The following RNLS variants were observed in gnomAD, a reference collection of about 807,000 sequenced individuals.
RNLS encodes the protein renalase.
RNLS carries 39 observed loss-of-function variants against 39.8 expected under a neutral mutation model. The ratio of observed to expected loss-of-function variants is 0.98; its 90% CI spans 0.76 to 1.28. RNLS has a LOEUF of 1.28. RNLS is among the 50% of genes most tolerant of loss of function. RNLS has a pLI of 0.00. For synonymous variants in RNLS, 147 were observed against 150.7 expected (o/e 0.98, Z 0.18); for missense variants, 410 against 413.3 (o/e 0.99, Z 0.07).
rs551218026 is a variant in RNLS, at chr10:88,443,373, C to T, written c.527-80648G>A. ...GCCAAATAGGAACAGCTCCAGTCTA[C>T]AGCTCCCAGCGTGAGCGACACAGAA... is the stretch of plus-strand genomic sequence containing the variant. On this transcript the variant is annotated intron_variant, in intron 4 of 6. Coordinates refer to ENST00000331772, the MANE Select transcript of RNLS (RefSeq NM_001031709.3). Among the ~76,000 whole-genome samples, 39 of 152,298 alleles carry T rather than the reference C, an allele frequency of 2.6e-4. No individual in the cohort carries two copies. In the Middle Eastern group the frequency reaches 0.01, roughly 40 times the overall value.
intron 4 of RNLS, among the ~76,000 whole-genome samples, chr10:88,472,220 G>C (rs535352748): frequency 6.6e-6 from 1 of 152,186 alleles, no homozygotes; most frequent in African/African-American, 2.4e-5. Flanking sequence ...CAGTGAGAAG[G>C]AGGTGTATAA....
At chr10:88,309,992 C>T (rs1364853863) in intron 6 of RNLS, among the ~76,000 whole-genome samples, 10 of 152,070 alleles carry the variant, frequency 6.6e-5, no homozygotes, top group Non-Finnish European at 5.9e-5. Context: ...GCAGGCAGAT[C>T]GCTTGAGTCC....
At chr10:88,571,093 C>A (rs538014193) in intron 4 of RNLS, among the ~76,000 whole-genome samples, 2 of 151,810 alleles carry the variant, frequency 1.3e-5, no homozygotes, top group South Asian at 4.2e-4. Context: ...AGGCAATTCC[C>A]CGCCTCAGCC....
intron 5 of RNLS, among the ~76,000 whole-genome samples, chr10:88,331,221 T>G (rs375206960): frequency 1.1e-4 from 16 of 152,198 alleles, no homozygotes; most frequent in African/African-American, 3.4e-4. Context: ...CTTATTCACA[T>G]GCAAACACAT....
intron 4 of RNLS, among the ~76,000 whole-genome samples, chr10:88,369,185 C>T (rs1354391216): frequency 6.6e-6 from 1 of 152,038 alleles, no homozygotes; most frequent in Non-Finnish European, 1.5e-5. Context: ...ATAATATTTA[C>T]ATGGATAATC....
At chr10:88,415,662 G>A (rs775132818) in intron 4 of RNLS, among the ~76,000 whole-genome samples, 2 of 152,128 alleles carry the variant, frequency 1.3e-5, no homozygotes, top group East Asian at 1.9e-4. Flanking sequence ...TAATAGTCCC[G>A]TCTCATTGGG....
In RNLS at chr10:88,346,563, T is replaced by A. The variant is rs147824572; in HGVS notation, c.700+15989A>T. 4.1e-3 allele frequency among the ~76,000 whole-genome samples: 617 copies of A among 152,298 alleles called. 8 individuals are homozygous for A. Among genetic ancestry groups the A allele is most frequent in the African/African-American group, 0.014 (591 of 41,568 alleles). ...GGGTAGTGGTAACAGACATCTAGAC[T>A]GTTTTAGAGATAAACAATTTGCTGA... On this transcript the variant is annotated intron_variant, in intron 5 of 6. Transcript: ENST00000331772.
chr10:88,268,101 T>C, the RNLS span, among the ~76,000 whole-genome samples: 1 of 152,326 alleles, frequency 6.6e-6, no homozygotes, highest in East Asian at 1.9e-4. Flanking sequence ...GATTCTTCTA[T>C]TAAATAATCA....
intron 4 of RNLS, among the ~76,000 whole-genome samples, chr10:88,513,529 T>A (rs182328418): frequency 2.3e-4 from 35 of 152,256 alleles, no homozygotes; most frequent in Non-Finnish European, 4.3e-4. Context: ...TACCTAATCA[T>A]CCCTTCATCA....
chr10:88,569,231 T>C (rs1849689976), intron 4 of RNLS, among the ~76,000 whole-genome samples: 1 of 152,240 alleles, frequency 6.6e-6, no homozygotes, highest in Admixed American at 6.5e-5. Flanking sequence ...AGCTATATTG[T>C]TCACAGACCT....
chr10:88,288,998 A>G (rs933215162), intron 6 of RNLS, among the ~76,000 whole-genome samples: 2 of 152,122 alleles, frequency 1.3e-5, no homozygotes, highest in Non-Finnish European at 2.9e-5. Context: ...TGTGTTTAAG[A>G]GAGATGTCAG....
intron 5 of RNLS, among the ~76,000 whole-genome samples, chr10:88,355,590 T>C (rs1849097213): frequency 1.3e-5 from 2 of 152,170 alleles, no homozygotes; most frequent in South Asian, 4.1e-4. Flanking sequence ...CTCAGCAGGA[T>C]ACCTGGCCGT....
chr10:88,518,416 A>C (rs1846526317), intron 4 of RNLS, among the ~76,000 whole-genome samples: 1 of 151,988 alleles, frequency 6.6e-6, no homozygotes, highest in African/African-American at 2.4e-5. Flanking sequence ...GGATTGCTAA[A>C]GAAGAAGGCT....
chr10:88,293,996 G>C (rs1468311588), intron 6 of RNLS, among the ~76,000 whole-genome samples: 1 of 152,178 alleles, frequency 6.6e-6, no homozygotes, highest in Non-Finnish European at 1.5e-5. Context: ...AGAATCTACA[G>C]TAACACATGG....
the RNLS span, among the ~76,000 whole-genome samples, chr10:88,209,415 G>A: frequency 9.7e-3 from 1,475 of 152,262 alleles, 28 homozygotes; most frequent in African/African-American, 0.032. Context: ...GATGACGATG[G>A]CAGAGATTGG....
intron 4 of RNLS, among the ~76,000 whole-genome samples, chr10:88,567,547 A>C (rs899007818): frequency 2.0e-5 from 3 of 152,228 alleles, no homozygotes; most frequent in Non-Finnish European, 4.4e-5. Flanking sequence ...TCTCAAAATC[A>C]ATCCAATTAT....
chr10:88,314,982 C>T (rs1479326149), intron 5 of RNLS, among the ~76,000 whole-genome samples: 1 of 152,026 alleles, frequency 6.6e-6, no homozygotes, highest in Admixed American at 6.6e-5. Context: ...CTCTTCAGGG[C>T]AGGGTCCATT....
At chr10:88,357,077 G>T (rs965973994) in intron 5 of RNLS, among the ~76,000 whole-genome samples, 1 of 152,178 alleles carries the variant, frequency 6.6e-6, no homozygotes, top group Non-Finnish European at 1.5e-5. Context: ...TTGCTTCAGA[G>T]ACTATAATAT....
At chr10:88,357,899 G>T (rs1043536145) in intron 5 of RNLS, among the ~76,000 whole-genome samples, 2 of 152,162 alleles carry the variant, frequency 1.3e-5, no homozygotes, top group Non-Finnish European at 2.9e-5. Context: ...CCTAAATAAA[G>T]CTTTGAAGAA....
Sources: gnomAD v4.1 joint callset for allele counts (sites outside exome capture counted in the v4.1 genomes callset) on GRCh38, gnomAD v4.1.1 for gene constraint, MANE v1.5 for transcripts, NCBI Gene and HGNC (gene_info 2026-07-23, HGNC 2026-07-21) for gene names.